Variants in EYA1 observed in about 807,000 individuals in gnomAD.
The protein encoded by EYA1 is protein phosphatase EYA1.
Under a neutral mutation model 82.0 loss-of-function variants are expected in EYA1, and 16 were observed. The observed-to-expected ratio is 0.20, with a 90% CI of 0.13 to 0.30. EYA1 has a LOEUF of 0.30. EYA1 is among the 10% of genes least tolerant of loss of function. EYA1 has a pLI of 1.00. For synonymous variants in EYA1, 261 were observed against 264.4 expected, an observed-to-expected ratio of 0.99 and a Z score of 0.12; for missense variants, 633 against 730.7, an observed-to-expected ratio of 0.87 and a Z score of 1.54.
chr8:71,353,070 T>C (rs1392564214), intron 3 of EYA1, among the ~76,000 whole-genome samples: 1 of 152,258 alleles, frequency 6.6e-6, no homozygotes, highest in East Asian at 1.9e-4. Flanking sequence ...TATTTTAACA[T>C]ACTTAGTCTT....
chr8:71,225,897 T>C (rs1423765251), intron 12 of EYA1, among the ~76,000 whole-genome samples: 6 of 152,230 alleles, frequency 3.9e-5, no homozygotes, highest in Non-Finnish European at 7.3e-5. Flanking sequence ...ACTAGAATTA[T>C]GTTTATATTA....
intron 2 of EYA1, among the ~76,000 whole-genome samples, chr8:71,389,332 C>CT (rs1180243332): frequency 1.3e-5 from 2 of 151,928 alleles, no homozygotes; most frequent in East Asian, 3.9e-4. Context: ...CTAAATCCTG[C>CT]TTTAGAAGAA....
In EYA1 at chr8:71,520,540, G is replaced by A. The variant is rs150316653; in HGVS notation, c.33+15204C>T. On this transcript the variant is annotated intron_variant, in intron 2 of 18. Coordinates refer to the EYA1 transcript ENST00000643681. ...TCTCACAGCTGCTTGAGAGTTTATAGTGCAAATGTATCATCTTGTCTTGCC... is the reference window on the plus strand; with the variant it reads ...TCTCACAGCTGCTTGAGAGTTTATAATGCAAATGTATCATCTTGTCTTGCC... Among the ~76,000 whole-genome samples, 6 of 152,278 alleles carry A rather than the reference G, an allele frequency of 3.9e-5. No homozygotes were observed. In the East Asian group the frequency reaches 1.2e-3, roughly 29 times the overall value.
intron 7 of EYA1, among the ~76,000 whole-genome samples, chr8:71,315,626 A>G (rs1821838906): frequency 6.6e-6 from 1 of 152,218 alleles, no homozygotes; most frequent in Non-Finnish European, 1.5e-5. Flanking sequence ...GAGCAAACAG[A>G]CCTTGTCTGC....
At position 71,409,855 on chromosome 8, in the gene EYA1, T is replaced by A. The variant is rs879860155; in HGVS notation, c.34-53344A>T. Among the ~76,000 whole-genome samples, 332 of 135,408 alleles carry A rather than the reference T, an allele frequency of 2.5e-3. 2 individuals carry two copies. The highest frequency in any genetic ancestry group is 6.3e-3 in the South Asian group (25 of 3,976). 88.8% of individuals were successfully genotyped at this position (135,408 alleles called of 152,430 possible). ...TTCCAATCAATGGAAAAAGAGGGAA[T>A]CCTCCCTAACTCATTTTATGAGGCC... On this transcript the variant is annotated intron_variant, in intron 2 of 18. Coordinates refer to the EYA1 transcript ENST00000643681.
At chr8:71,306,404 T>C (rs1820742359) in intron 7 of EYA1, among the ~76,000 whole-genome samples, 1 of 151,882 alleles carries the variant, frequency 6.6e-6, no homozygotes, top group Non-Finnish European at 1.5e-5. Flanking sequence ...AAATCATCAT[T>C]AGTATACTGG....
At chr8:71,458,942 G>T (rs12549296) in intron 2 of EYA1, among the ~76,000 whole-genome samples, 17,630 of 152,090 alleles carry the variant, frequency 0.12, 1,877 homozygotes, top group East Asian at 0.48. Flanking sequence ...ACATACTAAA[G>T]AGGGCAGGAG....
intron 9 of EYA1, among the ~76,000 whole-genome samples, chr8:71,294,663 C>T (rs1819405859): frequency 6.6e-6 from 1 of 152,096 alleles, no homozygotes; most frequent in Admixed American, 6.5e-5. Context: ...TCAGTTTGTC[C>T]CAATTTGATC....
At chr8:71,299,281 T>C (rs748060197) in intron 8 of EYA1, 48 bp from the exon 9 acceptor site, 1 of 1,561,386 alleles carries the variant, frequency 6.4e-7, no homozygotes, top group East Asian at 2.2e-5. Flanking sequence ...TACTGCTGCT[T>C]ATCTCTTACA....
At chr8:71,403,572 A>C (rs746912419) in intron 2 of EYA1, 12 of 152,206 alleles carry the variant, frequency 7.9e-5, no homozygotes, top group Non-Finnish European at 1.6e-4. Context: ...CTTTCACTGC[A>C]CCATTTTGGT....
chr8:71,279,670 A>G (rs1010696332), intron 9 of EYA1, among the ~76,000 whole-genome samples: 1 of 152,244 alleles, frequency 6.6e-6, no homozygotes, highest in African/African-American at 2.4e-5. Context: ...AGGGATGGAC[A>G]AGGTAAACAA....
chr8:71,218,440 A>G (rs539051202), intron 12 of EYA1, among the ~76,000 whole-genome samples: 1 of 152,154 alleles, frequency 6.6e-6, no homozygotes, highest in Non-Finnish European at 1.5e-5. Flanking sequence ...CAGAATTAAA[A>G]TCGTGACCCC....
At chr8:71,479,221 C>T (rs1376781093) in intron 2 of EYA1, among the ~76,000 whole-genome samples, 1 of 152,124 alleles carries the variant, frequency 6.6e-6, no homozygotes, top group African/African-American at 2.4e-5. Flanking sequence ...GGCCTTTGCA[C>T]CAGCTGTTCC....
intron 2 of EYA1, among the ~76,000 whole-genome samples, chr8:71,412,528 T>TTA (rs1267330667): frequency 7.9e-5 from 12 of 152,170 alleles, no homozygotes; most frequent in Non-Finnish European, 1.6e-4. Context: ...ACTGAGATGC[T>TTA]TATGGATAAA....
rs1806535407 is a variant in EYA1, at chr8:71,198,577, T to TAAAAG, written c.*758_*762dup. On this transcript the variant is annotated 3_prime_UTR_variant, in exon 18 of 18. Coordinates refer to ENST00000340726, the MANE Select transcript of EYA1 (RefSeq NM_000503.6). ...CAATATCATTTCCCTAAACAATATGTAAAAGAATTATCCATTATTACAAAT... is the reference window on the plus strand; with the variant it reads ...CAATATCATTTCCCTAAACAATATGTAAAAGAAAAGAATTATCCATTATTACAAAT... The TAAAAG allele has an allele frequency of 6.5e-6, 1 of 152,690 alleles. No individual in the cohort carries two copies. The highest frequency in any genetic ancestry group is 2.4e-5 in the African/African-American group (1 of 41,468). 9.5% of individuals were successfully genotyped at this position (152,690 alleles called of 1,614,324 possible).
chr8:71,205,073 A>ATT (rs1807581914), intron 17 of EYA1, among the ~76,000 whole-genome samples: 5 of 152,196 alleles, frequency 3.3e-5, no homozygotes, highest in African/African-American at 1.2e-4. Context: ...TTTCTCCTAA[A>ATT]TAAGCTTGAA....
intron 1 of EYA1, among the ~76,000 whole-genome samples, chr8:71,359,940 A>G (rs1827225971): frequency 6.6e-6 from 1 of 152,168 alleles, no homozygotes; most frequent in South Asian, 2.1e-4. Flanking sequence ...TTTAGGGTAT[A>G]TTCTTGCTAA....
chr8:71,244,834 A>G, intron 11 of EYA1, 142 bp from the exon 12 acceptor site: 2 of 622,910 alleles, frequency 3.2e-6, no homozygotes, highest in South Asian at 1.9e-5. Context: ...TGCTTATTTT[A>G]GTGTGCATGA....
intron 11 of EYA1, among the ~76,000 whole-genome samples, chr8:71,254,907 GA>G (rs1460760381): frequency 6.9e-6 from 1 of 144,978 alleles, no homozygotes; most frequent in Admixed American, 7.1e-5. Context: ...GTTGCAGGAT[GA>G]AAAAACAACA....
Sources: allele counts gnomAD v4.1 joint callset (sites outside exome capture counted in the v4.1 genomes callset), GRCh38; gene constraint gnomAD v4.1.1; transcripts MANE v1.5; gene names NCBI Gene and HGNC (gene_info 2026-07-23, HGNC 2026-07-21).